The following ZSWIM2 variants were observed in gnomAD, a reference collection of about 807,000 sequenced individuals.
ZSWIM2 encodes the protein E3 ubiquitin-protein ligase ZSWIM2.
Under a neutral mutation model 48.4 loss-of-function variants are expected in ZSWIM2, and 38 were observed. The observed-to-expected ratio is 0.79, with a 90% confidence interval of 0.61 to 1.03. The LOEUF (loss-of-function observed/expected upper bound fraction) is 1.03, where lower values mean the gene tolerates loss of function less well. Ranked by LOEUF, ZSWIM2 falls within the 50% of genes least tolerant of loss-of-function variation. ZSWIM2 has a pLI of 0.00. For missense variants in ZSWIM2, 776 were observed against 730.2 expected, an observed-to-expected ratio of 1.06 and a Z score of -0.72; for synonymous variants, 240 against 251.3, an observed-to-expected ratio of 0.96 and a Z score of 0.42.
intron 5 of ZSWIM2, among the ~76,000 whole-genome samples, chr2:186,834,297 G>T (rs555869014): frequency 6.6e-6 from 1 of 152,126 alleles, no homozygotes; most frequent in African/African-American, 2.4e-5. Context: ...GGTTGGCAGG[G>T]CTGTGTTACT....
At chr2:186,846,081 T>C (rs2084754) in intron 2 of ZSWIM2, among the ~76,000 whole-genome samples, 8 of 151,760 alleles carry the variant, frequency 5.3e-5, no homozygotes, top group African/African-American at 1.9e-4. Flanking sequence ...GGGCAAAGAA[T>C]TTATGATCAA....
Position 186,827,647 on chromosome 2 carries a change from C to A in ZSWIM2, c.*337G>T, listed in dbSNP as rs189534778. 1.3e-5 allele frequency among the ~76,000 whole-genome samples: 2 copies of A among 151,360 alleles called. No individual in the cohort carries two copies. Among genetic ancestry groups the A allele is most frequent in the African/African-American group, 2.4e-5 (1 of 41,256 alleles). On this transcript the variant is annotated 3_prime_UTR_variant, in exon 9 of 9. Coordinates refer to ENST00000295131, the MANE Select transcript of ZSWIM2 (RefSeq NM_182521.3). Reference sequence around the variant, plus strand: ...GTAATCCCTGCATGTTATGTGCTACCGTGAAAAATATTTGAAAACAGTGAC... The same window carrying A: ...GTAATCCCTGCATGTTATGTGCTACAGTGAAAAATATTTGAAAACAGTGAC...
At chr2:186,837,164 T>C in intron 5 of ZSWIM2, 142 bp downstream of exon 5, 1 of 795,882 alleles carries the variant, frequency 1.3e-6, no homozygotes, top group South Asian at 1.8e-5. Context: ...AGTCTGTGAG[T>C]CCTAAATAAG....
chr2:186,840,024 A>G (rs1241449760), intron 3 of ZSWIM2, among the ~76,000 whole-genome samples: 1 of 96,332 alleles, frequency 1.0e-5, no homozygotes, highest in Non-Finnish European at 2.1e-5. Context: ...AGATAATGAA[A>G]TGCTCTGTTT....
chr2:186,834,645 G>T (rs1157636266), intron 5 of ZSWIM2, among the ~76,000 whole-genome samples: 1 of 152,070 alleles, frequency 6.6e-6, no homozygotes, highest in Non-Finnish European at 1.5e-5. Flanking sequence ...CAAAAAACTG[G>T]TCGCTGGTGC....
At chr2:186,841,278 T>A (rs1258314024) in intron 3 of ZSWIM2, among the ~76,000 whole-genome samples, 1 of 151,568 alleles carries the variant, frequency 6.6e-6, no homozygotes, top group Admixed American at 6.6e-5. Flanking sequence ...TTTCCAAAAT[T>A]ATAGAAATAT....
chr2:186,837,293 G>C lies in ZSWIM2; in HGVS notation c.743+13C>G. On this transcript the variant is annotated intron_variant, in intron 5 of 8. Coordinates refer to ENST00000295131, the MANE Select transcript of ZSWIM2 (RefSeq NM_182521.3). ...AAAAGAACACATGCTTATAATTTAC[G>C]GATAACACTTACTTATAACACTTCC... is the stretch of plus-strand genomic sequence containing the variant. 6.2e-7 allele frequency: 1 copy of C among 1,609,886 alleles called. No homozygotes were observed. Among genetic ancestry groups the C allele is most frequent in the Non-Finnish European group, 8.5e-7 (1 of 1,177,648 alleles).
At chr2:186,837,084 C>A (rs1203763250) in intron 5 of ZSWIM2, among the ~76,000 whole-genome samples, 3 of 152,020 alleles carry the variant, frequency 2.0e-5, no homozygotes, top group Non-Finnish European at 4.4e-5. Flanking sequence ...GAGCTCAAAC[C>A]AATACCCTTG....
intron 4 of ZSWIM2, among the ~76,000 whole-genome samples, chr2:186,838,203 CAAT>C (rs1266823622): frequency 6.7e-6 from 1 of 148,892 alleles, no homozygotes; most frequent in African/African-American, 2.5e-5. Flanking sequence ...ATTAGACTCT[CAAT>C]AAAGATTTAA....
chr2:186,827,538 AT>A lies in ZSWIM2; in HGVS notation c.*445del, dbSNP rs1559110232. 7.5e-5 allele frequency among the ~76,000 whole-genome samples: 11 copies of A among 147,174 alleles called. No homozygotes were observed. The highest frequency in any genetic ancestry group is 2.4e-4 in the African/African-American group (10 of 40,864). ...ATTTTATGTATAAGAAAACTCCTTT[AT>A]GGAGTTTTTTAAGGTTTTTTTTTAT... is the stretch of plus-strand genomic sequence containing the variant. On this transcript the variant is annotated 3_prime_UTR_variant, in exon 9 of 9. Coordinates refer to ENST00000295131, the MANE Select transcript of ZSWIM2 (RefSeq NM_182521.3).
chr2:186,833,099 A>G, intron 7 of ZSWIM2, 21 bp downstream of exon 7: 2 of 1,163,158 alleles, frequency 1.7e-6, no homozygotes, highest in Non-Finnish European at 2.4e-6. Context: ...CAACAAATAT[A>G]AAATTTACTG....
At chr2:186,830,701 T>TATAACTCTAAA (rs1652424708) in intron 7 of ZSWIM2, among the ~76,000 whole-genome samples, 1 of 113,514 alleles carries the variant, frequency 8.8e-6, no homozygotes, top group Non-Finnish European at 1.8e-5. Context: ...ACTATGTTAA[T>TATAACTCTAAA]AGTCTAACTC....
At chr2:186,843,516 T>C (rs1691945168) in intron 3 of ZSWIM2, among the ~76,000 whole-genome samples, 1 of 151,438 alleles carries the variant, frequency 6.6e-6, no homozygotes, top group Non-Finnish European at 1.5e-5. Flanking sequence ...GAGAAATATG[T>C]AGGATGTAAA....
At position 186,839,066 on chromosome 2, in the gene ZSWIM2, A is replaced by G. The variant is rs1691855730; in HGVS notation, c.387T>C (p.His129=). Residue 129 remains histidine, a synonymous_variant, in exon 4 of 9, where the codon CAT becomes CAC. Transcript: ENST00000295131. Reference sequence around the variant, plus strand: ...GTTTAATGTACCCATCTTCTTCAACATGTTCATTTTCGTCATTTGTTCCTG... The same window carrying G: ...GTTTAATGTACCCATCTTCTTCAACGTGTTCATTTTCGTCATTTGTTCCTG... ...PQPGTNDENE[H]VEEDGYIKQK... is the part of the protein sequence containing the mutation. 6.2e-7 allele frequency: 1 copy of G among 1,611,870 alleles called. No individual in the cohort carries two copies. Among genetic ancestry groups the G allele is most frequent in the African/African-American group, 1.3e-5 (1 of 74,784 alleles).
At chr2:186,830,355 C>T (rs1691676533) in intron 7 of ZSWIM2, among the ~76,000 whole-genome samples, 1 of 152,128 alleles carries the variant, frequency 6.6e-6, no homozygotes, top group African/African-American at 2.4e-5. Flanking sequence ...GTACTTCAGC[C>T]TGGACAACAC....
In ZSWIM2 at chr2:186,828,181, T is replaced by G. The variant is rs17852916; in HGVS notation, c.1705A>C (p.Arg569=). The part of the protein sequence containing the change: ...PATKIREDNK[R]STLLPEDFNL... ...AAATCCTCTGGAAGTAAAGTTGATC[T>G]CTTGTTGTCCTCTCTTATTTTAGTG... Residue 569 remains arginine (R), a synonymous_variant, in exon 9 of 9, where the codon AGA becomes CGA. Transcript: ENST00000295131. The G allele has an allele frequency of 0.11, 183,860 of 1,613,182 alleles. 12,252 individuals are homozygous for G. The highest frequency in any genetic ancestry group is 0.3 in the African/African-American group (22,468 of 74,908).
At chr2:186,839,393 G>A (rs1691863303) in intron 3 of ZSWIM2, among the ~76,000 whole-genome samples, 1 of 151,548 alleles carries the variant, frequency 6.6e-6, no homozygotes, top group Non-Finnish European at 1.5e-5. Flanking sequence ...TCTTGTAACT[G>A]AAAAAGAGTC....
chr2:186,846,550 A>G (rs937134160), intron 2 of ZSWIM2, among the ~76,000 whole-genome samples: 1 of 151,914 alleles, frequency 6.6e-6, no homozygotes, highest in African/African-American at 2.4e-5. Flanking sequence ...AAATTAGTTC[A>G]ACCTTTATGA....
chr2:186,836,828 A>C (rs1021193609), intron 5 of ZSWIM2, among the ~76,000 whole-genome samples: 1 of 152,154 alleles, frequency 6.6e-6, no homozygotes, highest in African/African-American at 2.4e-5. Flanking sequence ...GAAATAAAAC[A>C]AAACCTGTAC....
Sources: gnomAD v4.1 joint callset for allele counts (sites outside exome capture counted in the v4.1 genomes callset) on GRCh38, gnomAD v4.1.1 for gene constraint, MANE v1.5 for transcripts, NCBI Gene and HGNC (gene_info 2026-07-23, HGNC 2026-07-21) for gene names.